HHAT: variants seen among roughly 807,000 people sequenced by gnomAD.
HHAT encodes the protein hedgehog acyltransferase.
Under a neutral mutation model 70.8 loss-of-function variants are expected in HHAT, and 47 were observed. The ratio of observed to expected loss-of-function variants is 0.66; its 90% CI spans 0.53 to 0.85. The LOEUF is 0.85. Ranked by LOEUF, HHAT falls within the 40% of genes least tolerant of loss-of-function variation. The probability of loss-of-function intolerance (pLI) is 0.00; values close to 1 mark genes in which losing one functional copy is unlikely to be tolerated. For synonymous variants in HHAT, 228 were observed against 247.6 expected, an observed-to-expected ratio of 0.92 and a Z score of 0.74; for missense variants, 609 against 604.8, an observed-to-expected ratio of 1.01 and a Z score of -0.07.
At chr1:210,598,814 AT>A (rs1263125235) in intron 10 of HHAT, among the ~76,000 whole-genome samples, 1 of 152,230 alleles carries the variant, frequency 6.6e-6, no homozygotes, top group Non-Finnish European at 1.5e-5. Flanking sequence ...TTTGGTTCTT[AT>A]AAAGGTGAGT....
intron 3 of HHAT, among the ~76,000 whole-genome samples, 155 bp from the exon 4 acceptor site, chr1:210,387,313 G>A (rs995332599): frequency 1.3e-5 from 2 of 150,272 alleles, no homozygotes; most frequent in Admixed American, 1.3e-4. Flanking sequence ...GGAGGGGAGT[G>A]TACAGGTGGG....
chr1:210,362,804 A>G, intron 2 of HHAT, 48 bp from the exon 3 acceptor site: 1 of 1,489,560 alleles, frequency 6.7e-7, no homozygotes, highest in Non-Finnish European at 9.3e-7. Flanking sequence ...CAGCCAGCCC[A>G]GTTTTGTTTA....
chr1:210,623,726 A>G, intron 11 of HHAT, 56 bp downstream of exon 11: 2 of 1,554,192 alleles, frequency 1.3e-6, no homozygotes, highest in Non-Finnish European at 1.8e-6. Flanking sequence ...ATGTATGCGG[A>G]TGGGATCATA....
intron 11 of HHAT, among the ~76,000 whole-genome samples, chr1:210,631,883 G>T (rs1670928966): frequency 6.6e-6 from 1 of 152,184 alleles, no homozygotes; most frequent in South Asian, 2.1e-4. Flanking sequence ...TCAACAAATG[G>T]GAGTGAAGAC....
At chr1:210,566,501 C>G (rs1654781669) in intron 9 of HHAT, among the ~76,000 whole-genome samples, 1 of 151,944 alleles carries the variant, frequency 6.6e-6, no homozygotes, top group Non-Finnish European at 1.5e-5. Flanking sequence ...TATCCTGTAC[C>G]CATATAAACC....
chr1:210,658,107 G>T (rs1338084017), intron 11 of HHAT, among the ~76,000 whole-genome samples: 2 of 152,140 alleles, frequency 1.3e-5, no homozygotes, highest in Non-Finnish European at 2.9e-5. Context: ...AGGGACGTAG[G>T]AAGAAAGAAG....
chr1:210,404,580 A>C lies in HHAT; in HGVS notation c.585A>C (p.Ala195=). ...LELCWQQLPA[A]STSYSFPWML... ...TCTGCTGGCAGCAGCTGCCTGCTGC[A>C]TCGACCTCCTACTCCTTTCCCTGGA... Residue 195 remains alanine (A), a synonymous_variant, in exon 6 of 12, where the codon GCA becomes GCC. Coordinates refer to ENST00000261458, the MANE Select transcript of HHAT (RefSeq NM_018194.6). The C allele has an allele frequency of 6.2e-7, 1 of 1,613,998 alleles. No homozygotes were observed. The highest frequency in any genetic ancestry group is 8.5e-7 in the Non-Finnish European group (1 of 1,179,862).
chr1:210,450,300 G>GA (rs1553374429), intron 7 of HHAT, among the ~76,000 whole-genome samples: 3 of 150,498 alleles, frequency 2.0e-5, no homozygotes, highest in Non-Finnish European at 4.4e-5. Context: ...CAGGTGGGGG[G>GA]GGTGGGAAAC....
intron 7 of HHAT, among the ~76,000 whole-genome samples, chr1:210,442,837 C>CAGA (rs2093552305): frequency 6.6e-6 from 1 of 152,176 alleles, no homozygotes; most frequent in South Asian, 2.1e-4. Flanking sequence ...TTTTGCTGTG[C>CAGA]AGAAGCTGTT....
At chr1:210,519,357 G>A (rs556672330) in intron 9 of HHAT, among the ~76,000 whole-genome samples, 1 of 151,982 alleles carries the variant, frequency 6.6e-6, no homozygotes, top group Non-Finnish European at 1.5e-5. Flanking sequence ...CTTTCCTCTG[G>A]ACATATACCC....
At chr1:210,427,621 ATT>A (rs947972166) in intron 7 of HHAT, among the ~76,000 whole-genome samples, 4 of 152,106 alleles carry the variant, frequency 2.6e-5, no homozygotes, top group Non-Finnish European at 4.4e-5. Flanking sequence ...TTTTGAGTGA[ATT>A]TCTTAGCCTT....
intron 7 of HHAT, chr1:210,439,829 C>T (rs1056214367): frequency 6.6e-6 from 1 of 151,912 alleles, no homozygotes; most frequent in Non-Finnish European, 1.5e-5. Flanking sequence ...GTGATGTTCC[C>T]TGAGGTTTGG....
At chr1:210,618,346 G>C (rs941682380) in intron 10 of HHAT, among the ~76,000 whole-genome samples, 3 of 151,966 alleles carry the variant, frequency 2.0e-5, no homozygotes, top group Non-Finnish European at 4.4e-5. Context: ...TGCTCTCTCT[G>C]GTGTCCACCA....
At chr1:210,559,231 T>G (rs1023104106) in intron 9 of HHAT, among the ~76,000 whole-genome samples, 4 of 152,228 alleles carry the variant, frequency 2.6e-5, no homozygotes, top group African/African-American at 9.6e-5. Context: ...TATTTACCTA[T>G]TCATTTGCTT....
At chr1:210,615,120 G>A (rs536894462) in intron 10 of HHAT, among the ~76,000 whole-genome samples, 1 of 152,316 alleles carries the variant, frequency 6.6e-6, no homozygotes, top group South Asian at 2.1e-4. Flanking sequence ...GGTGTGAGAT[G>A]ATATCTCATT....
intron 9 of HHAT, among the ~76,000 whole-genome samples, chr1:210,554,967 C>A (rs780238141): frequency 2.6e-5 from 4 of 152,092 alleles, no homozygotes; most frequent in Non-Finnish European, 2.9e-5. Flanking sequence ...AGGAAGGCTG[C>A]CCACCAGATA....
At chr1:210,334,109 C>T (rs887539714) in intron 1 of HHAT, among the ~76,000 whole-genome samples, 23 of 150,562 alleles carry the variant, frequency 1.5e-4, no homozygotes, top group Admixed American at 1.2e-3. Context: ...GCTGGGGATC[C>T]TGGGTTACAT....
At chr1:210,551,727 A>T (rs945781392) in intron 9 of HHAT, among the ~76,000 whole-genome samples, 1 of 152,202 alleles carries the variant, frequency 6.6e-6, no homozygotes, top group Non-Finnish European at 1.5e-5. Context: ...GGGAAAACAA[A>T]TTGGATTATC....
chr1:210,520,575 A>G (rs2095141480), intron 9 of HHAT, among the ~76,000 whole-genome samples: 1 of 152,146 alleles, frequency 6.6e-6, no homozygotes. Flanking sequence ...TGCTGTAGTT[A>G]TAATAGAATT....
Sources: gnomAD v4.1 joint callset for allele counts (sites outside exome capture counted in the v4.1 genomes callset) on GRCh38, gnomAD v4.1.1 for gene constraint, MANE v1.5 for transcripts, NCBI Gene and HGNC (gene_info 2026-07-23, HGNC 2026-07-21) for gene names.